ITGA11: variants seen among roughly 807,000 people sequenced by gnomAD.
ITGA11 encodes integrin alpha-11.
A neutral mutation model predicts 141.9 loss-of-function variants in ITGA11; 97 were observed. The observed-to-expected ratio is 0.68, with a 90% CI of 0.58 to 0.81. The LOEUF is 0.81. ITGA11 is among the 30% of genes least tolerant of loss of function. ITGA11 has a pLI of 0.00. For synonymous variants in ITGA11, 658 were observed against 624.6 expected (o/e 1.05, Z -0.80); for missense variants, 1,387 against 1,559.2 (o/e 0.89, Z 1.86).
intron 2 of ITGA11, among the ~76,000 whole-genome samples, chr15:68,384,184 GTT>G (rs1895927968): frequency 6.6e-6 from 1 of 151,000 alleles, no homozygotes; most frequent in South Asian, 2.1e-4. Context: ...TGGTTGACCA[GTT>G]TGTGTGTGTG....
chr15:68,397,525 TATAAA>T lies in ITGA11; in HGVS notation c.164+5388_164+5392del, dbSNP rs1238312816. 1.8e-4 allele frequency among the ~76,000 whole-genome samples: 10 copies of T among 55,490 alleles called. No individual in the cohort carries two copies. The East Asian group carries it at 5.4e-3, about 30-fold the overall frequency. The allele number at this position is 55,490 out of a possible 152,430, so 36.4% of individuals were successfully genotyped here. ...ATATTTTAAAATATATTTAAAATAT[TATAAA>T]ATATTTAAAATATTATATTTAAAAT... On this transcript the variant is annotated intron_variant, in intron 2 of 29. Coordinates refer to ENST00000315757, the MANE Select transcript of ITGA11 (RefSeq NM_001004439.2).
chr15:68,375,959 C>T (rs12914609), intron 2 of ITGA11, among the ~76,000 whole-genome samples: 116,180 of 152,052 alleles, frequency 0.76, 45,111 homozygotes, highest in East Asian at 0.9. Flanking sequence ...ATGACTGACC[C>T]TCCCTTGAGA....
chr15:68,378,483 A>C (rs892171005), intron 2 of ITGA11, among the ~76,000 whole-genome samples: 18 of 152,170 alleles, frequency 1.2e-4, no homozygotes, highest in African/African-American at 4.1e-4. Context: ...CATCTATAAA[A>C]AAATAAAAAA....
chr15:68,354,928 C>A (rs1245247856), intron 7 of ITGA11, among the ~76,000 whole-genome samples: 1 of 152,154 alleles, frequency 6.6e-6, no homozygotes, highest in Non-Finnish European at 1.5e-5. Flanking sequence ...TAAAAGGCAC[C>A]AGCTGTAGTT....
chr15:68,319,323 C>T (rs1893711854), intron 20 of ITGA11, among the ~76,000 whole-genome samples: 1 of 152,242 alleles, frequency 6.6e-6, no homozygotes, highest in East Asian at 1.9e-4. Context: ...TCTGAGGTTG[C>T]TGCAAGGGTT....
In ITGA11 at chr15:68,299,684, G is replaced by A. The variant is rs1298394607; in HGVS notation, c.*3375C>T. 6.6e-6 allele frequency: 1 copy of A among 152,164 alleles called. No homozygotes were observed. The highest frequency in any genetic ancestry group is 1.5e-5 in the Non-Finnish European group (1 of 68,024). The allele number at this position is 152,164 out of a possible 1,614,324, so 9.4% of individuals were successfully genotyped here. On this transcript the variant is annotated 3_prime_UTR_variant, in exon 30 of 30. Coordinates refer to ENST00000315757, the MANE Select transcript of ITGA11 (RefSeq NM_001004439.2). The stretch of plus-strand genomic sequence containing the variant: ...CATTAGAGGCTGCTTGGCATCCTGG[G>A]ATTGAAGCCAGGGGACTGACTCAAG...
Position 68,331,094 on chromosome 15 carries a change from C to T in ITGA11, c.1788G>A (p.Glu596=), listed in dbSNP as rs755894645. The T allele has an allele frequency of 1.9e-5, 30 of 1,599,580 alleles. No homozygotes were observed. The highest frequency in any genetic ancestry group is 7.7e-6 in the Non-Finnish European group (9 of 1,173,286). ...CAAAATACTGGAGGCCGGTAGCCAG[C>T]TCTGAGGCTGTGATTCTCTGCAGGG... ...KTPKQRITAS[E]LATGLQYFGC... Residue 596 remains glutamate, a synonymous_variant, in exon 15 of 30, where the codon GAG becomes GAA. Transcript: ENST00000315757.
chr15:68,414,033 G>C (rs1369081497), intron 1 of ITGA11, among the ~76,000 whole-genome samples: 4 of 152,206 alleles, frequency 2.6e-5, no homozygotes, highest in African/African-American at 9.7e-5. Flanking sequence ...GACACACCCA[G>C]ATGTCAGAAA....
intron 15 of ITGA11, among the ~76,000 whole-genome samples, chr15:68,329,971 C>T (rs1403810564): frequency 6.6e-6 from 1 of 152,208 alleles, no homozygotes; most frequent in Non-Finnish European, 1.5e-5. Context: ...TCTGCTGCTG[C>T]CCCTTCTTCC....
At chr15:68,379,136 C>T (rs1190998430) in intron 2 of ITGA11, among the ~76,000 whole-genome samples, 1 of 152,222 alleles carries the variant, frequency 6.6e-6, no homozygotes. Context: ...GCCAGTCACA[C>T]GCGGCTGCTC....
intron 2 of ITGA11, among the ~76,000 whole-genome samples, chr15:68,402,326 CA>C (rs1896531952): frequency 1.3e-5 from 2 of 151,894 alleles, no homozygotes; most frequent in Admixed American, 1.3e-4. Flanking sequence ...GATGGCCTCA[CA>C]ACATGGTACA....
At chr15:68,395,900 C>T (rs1172488284) in intron 2 of ITGA11, among the ~76,000 whole-genome samples, 1 of 150,742 alleles carries the variant, frequency 6.6e-6, no homozygotes, top group Non-Finnish European at 1.5e-5. Flanking sequence ...GAAGTTGAAT[C>T]TATAATGAGA....
At chr15:68,318,003 T>C (rs1893653964) in intron 20 of ITGA11, among the ~76,000 whole-genome samples, 1 of 152,128 alleles carries the variant, frequency 6.6e-6, no homozygotes. Flanking sequence ...TGTTTTTGCA[T>C]GTGTGTGCAA....
rs1289257324 is a variant in ITGA11, at chr15:68,335,199, TGCAG to T, written c.1425+494_1425+497del. Reference sequence around the variant, plus strand: ...TATTTGGGGTCAGGAGGTGGCATGATGCAGGCAGCCCCACCAAGAGGGTTCTTGG... The same window carrying T: ...TATTTGGGGTCAGGAGGTGGCATGATGCAGCCCCACCAAGAGGGTTCTTGG... On this transcript the variant is annotated intron_variant, in intron 12 of 29. Transcript: ENST00000315757. The surrounding 1 kb of genome is among the most constrained non-coding windows in gnomAD (Gnocchi z 4.9). Among the ~76,000 whole-genome samples the T allele has an allele frequency of 6.6e-6, 1 of 152,086 alleles. No individual in the cohort carries two copies. Among genetic ancestry groups the T allele is most frequent in the East Asian group, 1.9e-4 (1 of 5,184 alleles).
At chr15:68,389,776 G>T (rs899664495) in intron 2 of ITGA11, among the ~76,000 whole-genome samples, 1 of 152,118 alleles carries the variant, frequency 6.6e-6, no homozygotes, top group African/African-American at 2.4e-5. Flanking sequence ...GTTCTGCCTT[G>T]CTGAGAGCTG....
At chr15:68,368,372 C>A (rs944532624) in intron 3 of ITGA11, among the ~76,000 whole-genome samples, 1 of 152,242 alleles carries the variant, frequency 6.6e-6, no homozygotes, top group Non-Finnish European at 1.5e-5. Context: ...AATGACCCAG[C>A]TGCTGTCTGA....
chr15:68,371,200 G>A (rs966485466), intron 2 of ITGA11, among the ~76,000 whole-genome samples: 11 of 151,552 alleles, frequency 7.3e-5, no homozygotes, highest in African/African-American at 2.4e-4. Flanking sequence ...CTCCATTCTT[G>A]AGAGAGAGAG....
At chr15:68,346,580 A>C (rs1263901206) in intron 10 of ITGA11, among the ~76,000 whole-genome samples, 1 of 152,202 alleles carries the variant, frequency 6.6e-6, no homozygotes, top group Non-Finnish European at 1.5e-5. Context: ...AATGGCTGTG[A>C]ATGGACAAAG....
Position 68,339,825 on chromosome 15 carries a change from C to A in ITGA11, c.1132-181G>T, listed in dbSNP as rs140795677. On this transcript the variant is annotated intron_variant, in intron 10 of 29. Coordinates refer to ENST00000315757, the MANE Select transcript of ITGA11 (RefSeq NM_001004439.2). Reference sequence around the variant, plus strand: ...TTGGCTTTTGAATAAGCCAAGGAGACTTTCTTGCCCCATTCCATCCTTGGC... The same window carrying A: ...TTGGCTTTTGAATAAGCCAAGGAGAATTTCTTGCCCCATTCCATCCTTGGC... Among the ~76,000 whole-genome samples, 50 of 152,300 alleles carry A rather than the reference C, an allele frequency of 3.3e-4. 1 individual carries two copies. In the East Asian group the frequency reaches 8.5e-3, roughly 26 times the overall value.
Sources: gnomAD v4.1 joint callset for allele counts (sites outside exome capture counted in the v4.1 genomes callset) on GRCh38, gnomAD v4.1.1 for gene constraint, Gnocchi (gnomAD v3.1) non-coding constraint, MANE v1.5 for transcripts, NCBI Gene and HGNC (gene_info 2026-07-23, HGNC 2026-07-21) for gene names.